The following CRIM1 variants were observed in gnomAD, a reference collection of about 807,000 sequenced individuals.
CRIM1 encodes cysteine rich transmembrane BMP regulator 1.
CRIM1 carries 32 observed loss-of-function variants against 116.4 expected under a neutral mutation model. That is an observed-to-expected ratio of 0.27 (90% CI 0.21 to 0.37). The LOEUF (loss-of-function observed/expected upper bound fraction) is 0.37, where lower values mean the gene tolerates loss of function less well. Ranked by LOEUF, CRIM1 falls within the 10% of genes least tolerant of loss-of-function variation. CRIM1 has a pLI of 1.00. For missense variants in CRIM1, 1,331 were observed against 1,354.8 expected (o/e 0.98, Z 0.28); for synonymous variants, 590 against 509.2 (o/e 1.16, Z -2.13).
intron 8 of CRIM1, among the ~76,000 whole-genome samples, chr2:36,500,293 C>G (rs1231131044): frequency 6.6e-6 from 1 of 152,186 alleles, no homozygotes; most frequent in African/African-American, 2.4e-5. Context: ...GAGCGCATTA[C>G]TGCACTCCAG....
At chr2:36,361,639 A>G (rs1669230690) in intron 1 of CRIM1, among the ~76,000 whole-genome samples, 1 of 152,226 alleles carries the variant, frequency 6.6e-6, no homozygotes, top group Admixed American at 6.5e-5. Context: ...AACACATTCC[A>G]GACATTAATT....
chr2:36,390,781 C>G (rs932632540), intron 1 of CRIM1, among the ~76,000 whole-genome samples: 2 of 152,090 alleles, frequency 1.3e-5, no homozygotes, highest in East Asian at 3.8e-4. Context: ...TAAGACTTAA[C>G]TGTGAGAAAA....
chr2:36,537,268 A>T, intron 13 of CRIM1, 84 bp from the exon 14 acceptor site: 1 of 1,269,582 alleles, frequency 7.9e-7, no homozygotes, highest in Non-Finnish European at 1.1e-6. Context: ...GATTATACAA[A>T]GCTATCCCTT....
At chr2:36,410,286 GA>G (rs1673108404) in intron 2 of CRIM1, among the ~76,000 whole-genome samples, 1 of 151,690 alleles carries the variant, frequency 6.6e-6, no homozygotes, top group Admixed American at 6.6e-5. Context: ...TCAATTTCCC[GA>G]AAAGCAAATG....
At chr2:36,452,241 G>A (rs1676790300) in intron 4 of CRIM1, among the ~76,000 whole-genome samples, 2 of 151,914 alleles carry the variant, frequency 1.3e-5, no homozygotes, top group South Asian at 4.2e-4. Context: ...ATAAAATTAA[G>A]TTATATAATA....
intron 4 of CRIM1, among the ~76,000 whole-genome samples, chr2:36,455,058 A>T (rs938231496): frequency 2.6e-5 from 4 of 152,166 alleles, no homozygotes; most frequent in Non-Finnish European, 4.4e-5. Context: ...TGGGGAGTAG[A>T]TGTCTCAGTG....
chr2:36,510,302 G>GT (rs1261030671), intron 9 of CRIM1, among the ~76,000 whole-genome samples, 163 bp downstream of exon 9: 2 of 152,064 alleles, frequency 1.3e-5, no homozygotes, highest in African/African-American at 2.4e-5. Context: ...GGAGAAGGTT[G>GT]TATCTCCAAA....
At chr2:36,447,790 T>A (rs1314608083) in intron 4 of CRIM1, among the ~76,000 whole-genome samples, 1 of 152,232 alleles carries the variant, frequency 6.6e-6, no homozygotes, top group Non-Finnish European at 1.5e-5. Context: ...TTAACCAAGA[T>A]AGATGCCCTT....
intron 2 of CRIM1, among the ~76,000 whole-genome samples, chr2:36,401,565 A>G (rs1381175367): frequency 6.6e-6 from 1 of 152,198 alleles, no homozygotes; most frequent in Non-Finnish European, 1.5e-5. Flanking sequence ...CTATAGCGCC[A>G]GCCTCTGCAG....
intron 9 of CRIM1, 146 bp from the exon 10 acceptor site, chr2:36,512,125 TTA>T: frequency 1.1e-6 from 1 of 883,078 alleles, no homozygotes; most frequent in Non-Finnish European, 1.8e-6. Context: ...AGGGAGCTAA[TTA>T]CCCATCACTC....
intron 7 of CRIM1, among the ~76,000 whole-genome samples, chr2:36,493,580 A>G (rs1680381912): frequency 6.6e-6 from 1 of 152,198 alleles, no homozygotes; most frequent in South Asian, 2.1e-4. Context: ...ACCCACCCAT[A>G]CTCAAGAACT....
intron 7 of CRIM1, among the ~76,000 whole-genome samples, chr2:36,491,752 T>G (rs1486278686): frequency 1.3e-5 from 2 of 152,288 alleles, no homozygotes; most frequent in East Asian, 3.9e-4. Flanking sequence ...TTACCAAAAG[T>G]CTGACCGCCT....
intron 8 of CRIM1, among the ~76,000 whole-genome samples, chr2:36,508,207 G>A (rs892697457): frequency 1.3e-5 from 2 of 152,220 alleles, no homozygotes; most frequent in East Asian, 1.9e-4. Flanking sequence ...GGCACATGAG[G>A]TTATATTTAT....
chr2:36,448,392 A>G (rs886549586), intron 4 of CRIM1, among the ~76,000 whole-genome samples: 2 of 152,220 alleles, frequency 1.3e-5, no homozygotes, highest in African/African-American at 4.8e-5. Context: ...TCTCAAGAAG[A>G]TAGAGAGTTC....
chr2:36,522,040 A>AGT, intron 12 of CRIM1, 52 bp from the exon 13 acceptor site: 2 of 1,496,122 alleles, frequency 1.3e-6, no homozygotes, highest in Non-Finnish European at 1.9e-6. Flanking sequence ...TATGTTGCAT[A>AGT]GTTGCTGGCC....
At position 36,464,582 on chromosome 2, in the gene CRIM1, A is replaced by C; in HGVS notation, c.918A>C (p.Gly306=). ...GTGGTTTCCCCGTGTGTGAGGTGGGATCCACTCCCCGCATAGTCTCTCGTG... is the reference window on the plus strand; with the variant it reads ...GTGGTTTCCCCGTGTGTGAGGTGGGCTCCACTCCCCGCATAGTCTCTCGTG... The part of the protein sequence containing the change: ...GLCGFPVCEV[G]STPRIVSRGD... The change falls in exon 5 of 17, where the codon GGA becomes GGC. Residue 306 remains glycine (G), a synonymous_variant. Transcript: ENST00000280527. 1 of 1,613,980 alleles carries C rather than the reference A, an allele frequency of 6.2e-7. No homozygotes were observed. Among genetic ancestry groups the C allele is most frequent in the Non-Finnish European group, 8.5e-7 (1 of 1,179,998 alleles).
intron 11 of CRIM1, among the ~76,000 whole-genome samples, chr2:36,514,277 G>A (rs184215511): frequency 1.4e-4 from 22 of 152,268 alleles, no homozygotes; most frequent in South Asian, 6.2e-4. Context: ...GTGACCACAC[G>A]TCCAAAACAT....
At chr2:36,357,486 A>T (rs1270495810) in intron 1 of CRIM1, among the ~76,000 whole-genome samples, 2 of 151,774 alleles carry the variant, frequency 1.3e-5, no homozygotes, top group Admixed American at 6.6e-5. Flanking sequence ...AACAGATTAG[A>T]TTAGTGGAGT....
intron 1 of CRIM1, among the ~76,000 whole-genome samples, chr2:36,373,507 G>A (rs907182588): frequency 1.8e-4 from 27 of 152,136 alleles, no homozygotes; most frequent in African/African-American, 6.0e-4. Context: ...CTGGCCTATC[G>A]TTCCTACAGC....
Sources: allele counts gnomAD v4.1 joint callset (sites outside exome capture counted in the v4.1 genomes callset), GRCh38; gene constraint gnomAD v4.1.1; transcripts MANE v1.5; gene names NCBI Gene and HGNC (gene_info 2026-07-23, HGNC 2026-07-21).